ZCCHC4: variants seen among roughly 807,000 people sequenced by gnomAD.
ZCCHC4 encodes the protein zinc finger CCHC-type containing 4.
ZCCHC4 carries 54 observed loss-of-function variants against 67.7 expected under a neutral mutation model. The observed-to-expected ratio is 0.80, with a 90% CI of 0.64 to 1.00. ZCCHC4 has a LOEUF of 1.00. Among genes scored for constraint, ZCCHC4 ranks in the 50% least tolerant of loss-of-function variants. The pLI is 0.00. For missense variants in ZCCHC4, 609 were observed against 617.0 expected (o/e 0.99, Z 0.14); for synonymous variants, 198 against 213.5 (o/e 0.93, Z 0.63).
chr4:25,354,579 T>C (rs1248150513), intron 8 of ZCCHC4, among the ~76,000 whole-genome samples: 1 of 152,268 alleles, frequency 6.6e-6, no homozygotes, highest in African/African-American at 2.4e-5. Context: ...ACAATTTTTC[T>C]ATTTTTTGAA....
At chr4:25,327,678 A>C (rs1036588518) in intron 3 of ZCCHC4, among the ~76,000 whole-genome samples, 27 of 152,058 alleles carry the variant, frequency 1.8e-4, no homozygotes, top group African/African-American at 5.1e-4. Context: ...TGAGGATCTT[A>C]CTGTGTTGCC....
intron 12 of ZCCHC4, among the ~76,000 whole-genome samples, chr4:25,366,708 G>T (rs764510458): frequency 1.3e-5 from 2 of 152,186 alleles, no homozygotes; most frequent in Non-Finnish European, 1.5e-5. Context: ...CTGTACCATT[G>T]TCAGTGTGAT....
intron 5 of ZCCHC4, among the ~76,000 whole-genome samples, chr4:25,345,231 T>C (rs1178888313): frequency 6.6e-6 from 1 of 152,206 alleles, no homozygotes; most frequent in Non-Finnish European, 1.5e-5. Context: ...TGCCAACCCA[T>C]TGCAAGCTTA....
At chr4:25,327,465 C>A (rs1718950872) in intron 3 of ZCCHC4, among the ~76,000 whole-genome samples, 1 of 148,890 alleles carries the variant, frequency 6.7e-6, no homozygotes, top group South Asian at 2.2e-4. Context: ...TTGCTTCGTC[C>A]CCCACCACCC....
chr4:25,333,958 T>C lies in ZCCHC4; in HGVS notation c.656T>C (p.Ile219Thr), dbSNP rs151252286. Residue 219 changes from isoleucine to threonine, a missense_variant, in exon 5 of 13, where the codon ATT becomes ACT. By Grantham distance (89) the Ile-to-Thr change is moderately conservative (BLOSUM62 -1). Coordinates refer to ENST00000302874, the MANE Select transcript of ZCCHC4 (RefSeq NM_024936.3). ...GCATCAGGTGACAAGAAGTCTAACA[T>C]TAAAAGCCTTTTATTGGATATTGAT... ...LTASGDKKSN[I>T]KSLLLDIDFR... 3.5e-3 allele frequency: 5,563 copies of C among 1,605,594 alleles called. 312 individuals carry two copies. The Admixed American group carries it at 0.088, about 26-fold the overall frequency.
At chr4:25,318,806 A>G (rs2109048731) in intron 3 of ZCCHC4, among the ~76,000 whole-genome samples, 1 of 151,404 alleles carries the variant, frequency 6.6e-6, no homozygotes, top group South Asian at 2.1e-4. Flanking sequence ...TTGGGGGGCC[A>G]TAATTTCATC....
intron 5 of ZCCHC4, among the ~76,000 whole-genome samples, chr4:25,344,694 T>C (rs1245895606): frequency 6.6e-6 from 1 of 151,862 alleles, no homozygotes; most frequent in Non-Finnish European, 1.5e-5. Flanking sequence ...TAAATATTCC[T>C]CTTTCCTGGC....
chr4:25,350,254 CTTTTTTTTTTTTT>C lies in ZCCHC4; in HGVS notation c.910+624_910+636del, dbSNP rs751802021. 4.7e-5 allele frequency among the ~76,000 whole-genome samples: 4 copies of C among 84,896 alleles called. No homozygotes were observed. The South Asian group carries it at 1.7e-3, about 36-fold the overall frequency. 55.7% of individuals were successfully genotyped at this position (84,896 alleles called of 152,430 possible). A position where few individuals can be genotyped will look rare whatever the true frequency, so the allele number is the denominator to read the frequency against. On this transcript the variant is annotated intron_variant, in intron 7 of 12. Coordinates refer to ENST00000302874, the MANE Select transcript of ZCCHC4 (RefSeq NM_024936.3). ...TACGGTCTTCAGGCAGGTACTGCTT[CTTTTTTTTTTTTT>C]TTTTTTTTTTTGAGACAGAGTCTCA... is the stretch of plus-strand genomic sequence containing the variant.
At chr4:25,332,284 G>T (rs1459878054) in intron 3 of ZCCHC4, among the ~76,000 whole-genome samples, 2 of 140,234 alleles carry the variant, frequency 1.4e-5, no homozygotes, top group African/African-American at 5.4e-5. Flanking sequence ...CTCTAGCCTG[G>T]GTGACTCCAT....
Position 25,351,655 on chromosome 4 carries a change from A to T in ZCCHC4, c.977A>T (p.Gln326Leu). ...FPYFFESRIC[Q>L]FFPSFQMLDY... ...TATTTTTTTGAATCCCGAATTTGTC[A>T]GTTTTTTCCAAGCTTCCAGATGCTG... Residue 326 changes from glutamine to leucine, a missense_variant, in exon 8 of 13, where the codon CAG becomes CTG. Transcript: ENST00000302874. 1 of 1,612,464 alleles carries T rather than the reference A, an allele frequency of 6.2e-7. No individual in the cohort carries two copies. The highest frequency in any genetic ancestry group is 8.5e-7 in the Non-Finnish European group (1 of 1,179,360).
At chr4:25,356,223 TGTGA>T (rs992475008) in intron 8 of ZCCHC4, among the ~76,000 whole-genome samples, 30 of 152,270 alleles carry the variant, frequency 2.0e-4, no homozygotes, top group Admixed American at 8.5e-4. Context: ...TCATCATCAT[TGTGA>T]GTGAAATGTC....
rs185736622 is a variant in ZCCHC4, at chr4:25,360,790, A to G, written c.1012-1069A>G. On this transcript the variant is annotated intron_variant, in intron 8 of 12. Transcript: ENST00000302874. ...GCTGTTTAAGAAAGGGCATCCCCACATTCCTGATGGGGGGGCATGATACAC... is the reference window on the plus strand; with the variant it reads ...GCTGTTTAAGAAAGGGCATCCCCACGTTCCTGATGGGGGGGCATGATACAC... Among the ~76,000 whole-genome samples the G allele has an allele frequency of 5.9e-5, 9 of 152,288 alleles. No individual in the cohort carries two copies. In the East Asian group the frequency reaches 1.7e-3, roughly 29 times the overall value.
At chr4:25,345,373 G>A (rs796320585) in intron 5 of ZCCHC4, among the ~76,000 whole-genome samples, 175 bp from the exon 6 acceptor site, 11 of 152,174 alleles carry the variant, frequency 7.2e-5, no homozygotes, top group African/African-American at 2.6e-4. Flanking sequence ...AATCACTTAA[G>A]TTTGTTATTT....
chr4:25,333,523 T>G (rs1020079616), intron 4 of ZCCHC4, 65 bp downstream of exon 4: 2 of 1,517,324 alleles, frequency 1.3e-6, no homozygotes, highest in African/African-American at 1.4e-5. Flanking sequence ...GAAGATTTTA[T>G]TAAGTAGTTA....
intron 12 of ZCCHC4, among the ~76,000 whole-genome samples, chr4:25,366,515 G>A (rs1355709806): frequency 2.0e-5 from 3 of 151,738 alleles, no homozygotes; most frequent in Admixed American, 6.6e-5. Flanking sequence ...ACGGGGTTTC[G>A]CCGTGTTAGC....
intron 3 of ZCCHC4, among the ~76,000 whole-genome samples, chr4:25,329,829 T>C (rs1042103935): frequency 6.6e-6 from 1 of 152,048 alleles, no homozygotes; most frequent in African/African-American, 2.4e-5. Context: ...CCACCGCACC[T>C]GGCCGGATGT....
intron 5 of ZCCHC4, among the ~76,000 whole-genome samples, chr4:25,339,800 T>C (rs1719636607): frequency 6.6e-6 from 1 of 152,130 alleles, no homozygotes; most frequent in African/African-American, 2.4e-5. Context: ...ATCCAATGAG[T>C]GTCTATACCC....
At chr4:25,327,693 C>A (rs1205676862) in intron 3 of ZCCHC4, among the ~76,000 whole-genome samples, 1 of 152,086 alleles carries the variant, frequency 6.6e-6, no homozygotes, top group Admixed American at 6.5e-5. Context: ...GTTGCCCAGG[C>A]AGGTCTCAAA....
intron 8 of ZCCHC4, chr4:25,352,541 T>A (rs1408989252): frequency 3.0e-6 from 1 of 331,728 alleles, no homozygotes; most frequent in Non-Finnish European, 4.3e-6. Flanking sequence ...CCTGAGTAGC[T>A]GGGACTACAA....
Sources: allele counts gnomAD v4.1 joint callset (sites outside exome capture counted in the v4.1 genomes callset), GRCh38; gene constraint gnomAD v4.1.1; transcripts MANE v1.5; gene names NCBI Gene and HGNC (gene_info 2026-07-23, HGNC 2026-07-21).